Variants in EEF1D observed in about 807,000 individuals in gnomAD.
The protein encoded by EEF1D is eukaryotic translation elongation factor 1 delta.
In EEF1D, 47 loss-of-function variants were observed where a neutral mutation model predicts 63.9. The ratio of observed to expected loss-of-function variants is 0.74; its 90% CI spans 0.58 to 0.94. The LOEUF (loss-of-function observed/expected upper bound fraction) is 0.94, where lower values mean the gene tolerates loss of function less well. Among genes scored for constraint, EEF1D ranks in the 40% least tolerant of loss-of-function variants. The pLI is 0.00. For synonymous variants in EEF1D, 412 were observed against 386.1 expected, an observed-to-expected ratio of 1.07 and a Z score of -0.79; for missense variants, 907 against 899.0, an observed-to-expected ratio of 1.01 and a Z score of -0.11.
intron 2 of EEF1D, among the ~76,000 whole-genome samples, chr8:143,591,078 T>C (rs1827871761): frequency 6.6e-6 from 1 of 152,228 alleles, no homozygotes; most frequent in Admixed American, 6.5e-5. Context: ...CTCTAGGCTC[T>C]CTATCAGCTG....
At chr8:143,591,592 C>T (rs1049742445) in intron 2 of EEF1D, among the ~76,000 whole-genome samples, 9 of 152,238 alleles carry the variant, frequency 5.9e-5, no homozygotes, top group African/African-American at 1.9e-4. Flanking sequence ...CAAGAGGGGG[C>T]TGTGCAGCTG....
intron 2 of EEF1D, chr8:143,591,939 T>C (rs2131227235): frequency 1.3e-6 from 1 of 764,466 alleles, no homozygotes; most frequent in East Asian, 1.3e-4. Flanking sequence ...ATGGAGTTCT[T>C]TGCGGGCATG....
intron 2 of EEF1D, 51 bp from the exon 3 acceptor site, chr8:143,590,132 C>A (rs367706936): frequency 1.3e-6 from 2 of 1,597,586 alleles, no homozygotes; most frequent in South Asian, 1.1e-5. Flanking sequence ...TGCAACACAG[C>A]GGGTGGCCGC....
intron 4 of EEF1D, 147 bp downstream of exon 4, chr8:143,586,582 G>A: frequency 8.2e-7 from 1 of 1,221,902 alleles, no homozygotes; most frequent in Non-Finnish European, 1.1e-6. Flanking sequence ...AAGGCCGCCT[G>A]CCCCGAGACC....
At chr8:143,591,170 A>T (rs1262533710) in intron 2 of EEF1D, among the ~76,000 whole-genome samples, 1 of 152,222 alleles carries the variant, frequency 6.6e-6, no homozygotes, top group African/African-American at 2.4e-5. Context: ...GTCCCAGGAC[A>T]TCAGGGCCCC....
intron 5 of EEF1D, 99 bp from the exon 6 acceptor site, chr8:143,581,427 G>A: frequency 9.2e-7 from 1 of 1,088,408 alleles, no homozygotes; most frequent in East Asian, 2.6e-5. Flanking sequence ...GAAAACTACA[G>A]CTCGGGAGAG....
At chr8:143,580,298 C>T (rs1435110944) in intron 8 of EEF1D, 92 bp from the exon 9 acceptor site, 7 of 1,373,434 alleles carry the variant, frequency 5.1e-6, no homozygotes, top group Non-Finnish European at 4.0e-6. Flanking sequence ...CACTGTGTGT[C>T]CACAATTCTG....
chr8:143,586,101 G>A (rs559831190), intron 5 of EEF1D, 118 bp downstream of exon 5: 17 of 836,182 alleles, frequency 2.0e-5, no homozygotes, highest in Admixed American at 5.1e-5. Flanking sequence ...GGAGCACAGC[G>A]CCGTGCACCC....
rs77266845 is a variant in EEF1D at position 143,593,497 on chromosome 8, G to A, written c.-14-837C>T. On this transcript the variant is annotated intron_variant, in intron 1 of 9. Coordinates refer to ENST00000618139, the MANE Select transcript of EEF1D (RefSeq NM_001130053.5). ...CTGATCAACCCGAGAGCCCTGGCTG[G>A]GATCCGTCTTCCTTCACCAACGGGA... Among the ~76,000 whole-genome samples, 323 of 152,264 alleles carry A rather than the reference G, an allele frequency of 2.1e-3. 8 individuals are homozygous for A. Among genetic ancestry groups the A allele is most frequent in the Admixed American group, 0.015 (230 of 15,304 alleles).
At chr8:143,582,589 C>G (rs952746430) in intron 5 of EEF1D, 1 of 152,290 alleles carries the variant, frequency 6.6e-6, no homozygotes, top group Admixed American at 6.5e-5. Flanking sequence ...AAGGTCCCCT[C>G]TGGAAGAGGC....
In EEF1D at chr8:143,586,334, A is replaced by G. The variant is rs1306587658; in HGVS notation, c.1216-44T>C. On this transcript the variant is annotated intron_variant, in intron 4 of 9. Transcript: ENST00000618139. ...GAACCAGTCTTTTTTTTATTATTAA[A>G]AAAGAATTTAATTAAAAAACAAACC... 4 of 1,461,098 alleles carry G rather than the reference A, an allele frequency of 2.7e-6. No individual in the cohort carries two copies. In the Admixed American group the frequency reaches 1.1e-4, roughly 38 times the overall value. 90.5% of individuals were successfully genotyped at this position (1,461,098 alleles called of 1,614,324 possible).
intron 2 of EEF1D, 33 bp downstream of exon 2, chr8:143,592,614 G>C: frequency 1.0e-6 from 1 of 985,656 alleles, no homozygotes; most frequent in Non-Finnish European, 1.2e-6. Flanking sequence ...TCAAATGAAG[G>C]GGAATGGGGC....
In EEF1D at chr8:143,590,072, C is replaced by T. The variant is rs191012991; in HGVS notation, c.10G>A (p.Gly4Arg). Reference sequence around the variant, plus strand: ...GTCTCCAGGGTGCAGGAGGCCTTCCCGCTCCTCATCTTCCGGACACAGCGA... The same window carrying T: ...GTCTCCAGGGTGCAGGAGGCCTTCCTGCTCCTCATCTTCCGGACACAGCGA... MRS[G>R]KASCTLETVW... The change falls in exon 3 of 10, where the codon GGG (glycine) becomes AGG (arginine). Residue 4 changes from glycine (G) to arginine (R), a missense_variant. By Grantham distance (125) the Gly-to-Arg change is moderately radical (BLOSUM62 -2). Transcript: ENST00000618139. 8.8e-5 allele frequency: 140 copies of T among 1,598,556 alleles called. 1 individual carries two copies. The Admixed American group carries it at 1.9e-3, about 21-fold the overall frequency.
At chr8:143,593,209 C>T (rs62522165) in intron 1 of EEF1D, among the ~76,000 whole-genome samples, 10,183 of 152,026 alleles carry the variant, frequency 0.067, 370 homozygotes, top group South Asian at 0.15. Context: ...CAGGAGCCAC[C>T]GTCAAGACAG....
In EEF1D at chr8:143,586,864, AAG is replaced by A; in HGVS notation, c.1092-14_1092-13del. 1 of 1,613,258 alleles carries A rather than the reference AAG, an allele frequency of 6.2e-7. No individual in the cohort carries two copies. Among genetic ancestry groups the A allele is most frequent in the South Asian group, 1.1e-5 (1 of 91,082 alleles). The stretch of plus-strand genomic sequence containing the variant: ...TAGCCATTTTTCTGCTGGGAGGGGA[AAG>A]AGGCAAAGTCAGCATGGCTGGGAAG... On this transcript the variant is annotated splice_polypyrimidine_tract_variant and intron_variant, in intron 3 of 9. Transcript: ENST00000618139.
At chr8:143,591,741 G>A (rs572637506) in intron 2 of EEF1D, among the ~76,000 whole-genome samples, 2 of 152,368 alleles carry the variant, frequency 1.3e-5, no homozygotes, top group East Asian at 1.9e-4. Context: ...GGCAGCCTTC[G>A]GTCAAGAGCA....
chr8:143,583,806 G>A (rs1269897195), intron 5 of EEF1D: 1 of 152,324 alleles, frequency 6.6e-6, no homozygotes, highest in Admixed American at 6.5e-5. Flanking sequence ...GATGTGATAA[G>A]ATTAAGTTAA....
In EEF1D at chr8:143,580,548, A is replaced by G; in HGVS notation, c.1668T>C (p.Pro556=). The G allele has an allele frequency of 6.2e-7, 1 of 1,613,092 alleles. No homozygotes were observed. Among genetic ancestry groups the G allele is most frequent in the Non-Finnish European group, 8.5e-7 (1 of 1,179,860 alleles). The change falls in exon 8 of 10, where the codon CCT becomes CCC. Residue 556 remains proline, a synonymous_variant. Coordinates refer to ENST00000618139, the MANE Select transcript of EEF1D (RefSeq NM_001130053.5). The stretch of plus-strand genomic sequence containing the variant: ...GGATGGAGGACTTGGCCACCAGTGC[A>G]GGCTTCTTGGCCTTCTTCTCCGCGT... ...RQYAEKKAKK[P]ALVAKSSILL...
Position 143,580,074 on chromosome 8 carries a change from C to T in EEF1D, c.1843G>A (p.Val615Met), listed in dbSNP as rs1018298625. Reference sequence around the variant, plus strand: ...TCTGTCCCCACCTTGTCGTCCTCCACCACACACTGAATCTGTAGCTTCCGG... The same window carrying T: ...TCTGTCCCCACCTTGTCGTCCTCCATCACACACTGAATCTGTAGCTTCCGG... ...GIRKLQIQCVVEDDKVGTDLL... is the reference protein window; with the variant it reads ...GIRKLQIQCVMEDDKVGTDLL... Residue 615 changes from valine to methionine, a missense_variant, in exon 9 of 10, where the codon GTG (valine) becomes ATG (methionine). Physicochemically the swap from Val to Met is conservative, Grantham distance 21. Coordinates refer to ENST00000618139, the MANE Select transcript of EEF1D (RefSeq NM_001130053.5). 19 of 1,613,966 alleles carry T rather than the reference C, an allele frequency of 1.2e-5. No homozygotes were observed. The African/African-American group carries it at 2.0e-4, about 17-fold the overall frequency.
Sources: gnomAD v4.1 joint callset for allele counts (sites outside exome capture counted in the v4.1 genomes callset) on GRCh38, gnomAD v4.1.1 for gene constraint, MANE v1.5 for transcripts, NCBI Gene and HGNC (gene_info 2026-07-23, HGNC 2026-07-21) for gene names.